The following SLC17A4 variants were observed in gnomAD, a reference collection of about 807,000 sequenced individuals.
SLC17A4 encodes solute carrier family 17 member 4, also known as probable small intestine urate exporter.
SLC17A4 carries 33 observed loss-of-function variants against 52.5 expected under a neutral mutation model. The ratio of observed to expected loss-of-function variants is 0.63; its 90% CI spans 0.48 to 0.84. The LOEUF is 0.84. SLC17A4 is among the 40% of genes least tolerant of loss of function. The probability of loss-of-function intolerance (pLI) is 0.00; values close to 1 mark genes in which losing one functional copy is unlikely to be tolerated. For missense variants in SLC17A4, 585 were observed against 597.1 expected (o/e 0.98, Z 0.21); for synonymous variants, 225 against 216.2 (o/e 1.04, Z -0.36).
intron 1 of SLC17A4, among the ~76,000 whole-genome samples, chr6:25,756,635 C>A (rs1258418097): frequency 6.6e-6 from 1 of 152,176 alleles, no homozygotes; most frequent in Non-Finnish European, 1.5e-5. Context: ...TTAACGCCAG[C>A]AAAACCATTA....
At position 25,781,023 on chromosome 6, in the gene SLC17A4, T is replaced by A. The variant is rs1763254702; in HGVS notation, c.*1835T>A. ...TTTCTCTTGTGAGACCTGGGCTCCA[T>A]TTACAAACGTATAAATCATCTTGAT... On this transcript the variant is annotated 3_prime_UTR_variant, in exon 12 of 12. Coordinates refer to ENST00000377905, the MANE Select transcript of SLC17A4 (RefSeq NM_005495.3). The A allele has an allele frequency of 6.6e-6, 1 of 152,114 alleles. No homozygotes were observed. Among genetic ancestry groups the A allele is most frequent in the Admixed American group, 6.6e-5 (1 of 15,248 alleles). The allele number at this position is 152,114 out of a possible 1,614,324, so 9.4% of individuals were successfully genotyped here. A position where few individuals can be genotyped will look rare whatever the true frequency, so the allele number is the denominator to read the frequency against.
intron 10 of SLC17A4, chr6:25,777,562 CAAAACAACAACA>C (rs1434348150): frequency 1.8e-5 from 2 of 108,736 alleles, no homozygotes; most frequent in Admixed American, 1.2e-4. Flanking sequence ...CAGCAGAAGC[CAAAACAACAACA>C]ACAACAACAA....
chr6:25,776,070 G>A (rs1561812905), intron 8 of SLC17A4, among the ~76,000 whole-genome samples: 1 of 151,844 alleles, frequency 6.6e-6, no homozygotes, highest in Non-Finnish European at 1.5e-5. Context: ...TTTTATATTT[G>A]TTGTCAAATT....
At chr6:25,759,761 A>C (rs1354304730) in intron 1 of SLC17A4, among the ~76,000 whole-genome samples, 1 of 151,668 alleles carries the variant, frequency 6.6e-6, no homozygotes, top group East Asian at 1.9e-4. Context: ...GTTTATGTGA[A>C]TCCTTAGATG....
intron 6 of SLC17A4, 101 bp downstream of exon 6, chr6:25,771,113 G>C: frequency 1.0e-6 from 1 of 972,564 alleles, no homozygotes; most frequent in Non-Finnish European, 1.6e-6. Flanking sequence ...TATTTACATA[G>C]CTAAAGCTGG....
intron 1 of SLC17A4, among the ~76,000 whole-genome samples, chr6:25,759,904 C>T (rs907097550): frequency 1.3e-5 from 2 of 152,128 alleles, no homozygotes; most frequent in African/African-American, 4.8e-5. Flanking sequence ...TTTAACTATG[C>T]AAATATTAAA....
chr6:25,773,743 C>G, intron 8 of SLC17A4, 69 bp downstream of exon 8: 2 of 1,524,762 alleles, frequency 1.3e-6, no homozygotes, highest in Non-Finnish European at 1.8e-6. Flanking sequence ...CATATATAAT[C>G]CTCTGTCTGT....
chr6:25,773,650 G>T lies in SLC17A4; in HGVS notation c.963G>T (p.Ser321=). The change falls in exon 8 of 12, where the codon TCG becomes TCT. Residue 321 remains serine (S), a synonymous_variant. Transcript: ENST00000377905. Reference sequence around the variant, plus strand: ...CGTACACACCAACGTACATCAGCTCGGTACTTCAAGCCAACCTCAGAGATG... The same window carrying T: ...CGTACACACCAACGTACATCAGCTCTGTACTTCAAGCCAACCTCAGAGATG... ...IMAYTPTYIS[S]VLQANLRDSG... The T allele has an allele frequency of 6.2e-7, 1 of 1,613,476 alleles. No homozygotes were observed. Among genetic ancestry groups the T allele is most frequent in the Non-Finnish European group, 8.5e-7 (1 of 1,179,694 alleles).
chr6:25,756,723 A>T (rs1761049934), intron 1 of SLC17A4, among the ~76,000 whole-genome samples: 1 of 152,212 alleles, frequency 6.6e-6, no homozygotes, highest in African/African-American at 2.4e-5. Context: ...ATGAGAACTA[A>T]GTTCTTCAGT....
chr6:25,775,647 C>T (rs1308905126), intron 8 of SLC17A4, among the ~76,000 whole-genome samples: 2 of 151,968 alleles, frequency 1.3e-5, no homozygotes, highest in African/African-American at 2.4e-5. Context: ...AGGCTGGTCT[C>T]GAACTCCTGA....
intron 8 of SLC17A4, among the ~76,000 whole-genome samples, chr6:25,774,712 G>A (rs999256188): frequency 6.6e-6 from 1 of 152,198 alleles, no homozygotes; most frequent in Non-Finnish European, 1.5e-5. Flanking sequence ...ACCCTCAGAG[G>A]CCAAGGCTGA....
rs1208694542 is a variant in SLC17A4, at chr6:25,769,013, C to T, written c.120C>T (p.Ala40=). The T allele has an allele frequency of 1.9e-6, 3 of 1,613,924 alleles. No homozygotes were observed. Among genetic ancestry groups the T allele is most frequent in the Non-Finnish European group, 2.5e-6 (3 of 1,179,994 alleles). Residue 40 remains alanine, a synonymous_variant, in exon 3 of 12, where the codon GCC becomes GCT. Coordinates refer to ENST00000377905, the MANE Select transcript of SLC17A4 (RefSeq NM_005495.3). ...TTTGTTCAGTCCGACATGGGCTGGC[C>T]CTCATCTTGCAGCTCTGTAATTTTT... ...KGFCSVRHGL[A]LILQLCNFSI... is the part of the protein sequence containing the mutation.
At chr6:25,768,956 T>C in intron 2 of SLC17A4, 29 bp from the exon 3 acceptor site, 1 of 1,603,842 alleles carries the variant, frequency 6.2e-7, no homozygotes, top group Admixed American at 1.7e-5. Flanking sequence ...GCATTCTGAT[T>C]GTGATTTTTC....
chr6:25,770,861 T>C, intron 5 of SLC17A4, 65 bp from the exon 6 acceptor site: 3 of 1,271,764 alleles, frequency 2.4e-6, no homozygotes, highest in Non-Finnish European at 3.5e-6. Flanking sequence ...CTCAGCATTG[T>C]AGAAAGCACA....
intron 2 of SLC17A4, among the ~76,000 whole-genome samples, chr6:25,766,221 A>G (rs1762005847): frequency 6.6e-6 from 1 of 151,614 alleles, no homozygotes; most frequent in East Asian, 1.9e-4. Flanking sequence ...AGAAAAAATT[A>G]TACATGTCAA....
chr6:25,771,204 G>T (rs1762453895), intron 6 of SLC17A4, among the ~76,000 whole-genome samples, 192 bp downstream of exon 6: 1 of 152,106 alleles, frequency 6.6e-6, no homozygotes, highest in African/African-American at 2.4e-5. Flanking sequence ...TGACATTAGA[G>T]GCATCATAAC....
intron 1 of SLC17A4, among the ~76,000 whole-genome samples, chr6:25,761,431 T>C (rs1387153486): frequency 6.6e-6 from 1 of 152,202 alleles, no homozygotes; most frequent in African/African-American, 2.4e-5. Context: ...CCCAATCTCA[T>C]GGTCACTGAA....
At position 25,780,401 on chromosome 6, in the gene SLC17A4, G is replaced by A. The variant is rs1763237787; in HGVS notation, c.*1213G>A. On this transcript the variant is annotated 3_prime_UTR_variant, in exon 12 of 12. Transcript: ENST00000377905. ...AGTGCACTAATCTGAGTGTAAGGAA[G>A]GGCCACCCCTGCAAAGTTTCAGCTG... The A allele has an allele frequency of 6.6e-6, 1 of 152,166 alleles. No homozygotes were observed. The highest frequency in any genetic ancestry group is 6.5e-5 in the Admixed American group (1 of 15,274). 9.4% of individuals were successfully genotyped at this position (152,166 alleles called of 1,614,324 possible).
intron 2 of SLC17A4, among the ~76,000 whole-genome samples, chr6:25,766,240 TAAGAA>T: frequency 6.6e-6 from 1 of 151,588 alleles, no homozygotes; most frequent in Non-Finnish European, 1.5e-5. Flanking sequence ...AAAAAACAAC[TAAGAA>T]ATGAAGAAAA....
Sources: gnomAD v4.1 joint callset for allele counts (sites outside exome capture counted in the v4.1 genomes callset) on GRCh38, gnomAD v4.1.1 for gene constraint, MANE v1.5 for transcripts, NCBI Gene and HGNC (gene_info 2026-07-23, HGNC 2026-07-21) for gene names.